The following PLCL2 variants were observed in gnomAD, a reference collection of about 807,000 sequenced individuals.
PLCL2 encodes phospholipase C like 2.
A neutral mutation model predicts 79.6 loss-of-function variants in PLCL2; 4 were observed. The observed-to-expected ratio is 0.05, with a 90% confidence interval of 0.02 to 0.11. The LOEUF (loss-of-function observed/expected upper bound fraction) is 0.11, where lower values mean the gene tolerates loss of function less well. Among genes scored for constraint, PLCL2 ranks in the 10% least tolerant of loss-of-function variants. The pLI is 1.00. For missense variants in PLCL2, 895 were observed against 1,291.0 expected, an observed-to-expected ratio of 0.69 and a Z score of 4.70; for synonymous variants, 484 against 457.7, an observed-to-expected ratio of 1.06 and a Z score of -0.73.
chr3:16,946,651 A>C (rs2063602935), intron 1 of PLCL2, among the ~76,000 whole-genome samples: 2 of 152,066 alleles, frequency 1.3e-5, no homozygotes, highest in African/African-American at 4.8e-5. Context: ...TTAATGGTTG[A>C]CTGTTTTCTT....
chr3:16,924,571 G>A (rs1222036790), intron 1 of PLCL2, among the ~76,000 whole-genome samples: 1 of 152,230 alleles, frequency 6.6e-6, no homozygotes, highest in Admixed American at 6.5e-5. Flanking sequence ...AGAGGTGAGA[G>A]TTTAGGGGTA....
chr3:17,022,897 T>A (rs1188713427), intron 3 of PLCL2, among the ~76,000 whole-genome samples: 1 of 152,198 alleles, frequency 6.6e-6, no homozygotes, highest in Non-Finnish European at 1.5e-5. Flanking sequence ...CTTCATCTAT[T>A]GCATTCATTA....
chr3:17,012,120 C>T lies in PLCL2; in HGVS notation c.2774C>T (p.Pro925Leu). The change falls in exon 2 of 6, where the codon CCC becomes CTC. Residue 925 changes from proline (P) to leucine (L), a missense_variant. Around this residue, in one of 6 missense-constraint regions of PLCL2, gnomAD observed 298 missense variants for 459.6 expected, o/e 0.65. Coordinates refer to ENST00000615277, the MANE Select transcript of PLCL2 (RefSeq NM_001144382.2). The part of the protein sequence containing the change: ...TVDEVFKNAQ[P>L]PIRDATDLRE... ...GATGAGGTATTCAAGAATGCCCAGCCCCCTATACGGGATGCCACAGATCTG... is the reference window on the plus strand; with the variant it reads ...GATGAGGTATTCAAGAATGCCCAGCTCCCTATACGGGATGCCACAGATCTG... 1 of 1,613,910 alleles carries T rather than the reference C, an allele frequency of 6.2e-7. No homozygotes were observed. Among genetic ancestry groups the T allele is most frequent in the Non-Finnish European group, 8.5e-7 (1 of 1,179,828 alleles).
intron 1 of PLCL2, among the ~76,000 whole-genome samples, chr3:16,982,456 A>T (rs1269490234): frequency 6.6e-6 from 1 of 152,222 alleles, no homozygotes; most frequent in East Asian, 1.9e-4. Context: ...AGTGCAGCAC[A>T]TTTATCAAAT....
At chr3:16,924,066 A>C (rs1182354761) in intron 1 of PLCL2, among the ~76,000 whole-genome samples, 3 of 152,130 alleles carry the variant, frequency 2.0e-5, no homozygotes, top group African/African-American at 7.2e-5. Flanking sequence ...AGTGTATTTA[A>C]CATGGTTGAT....
rs1696441226 is a variant in PLCL2, at chr3:16,894,963, T to C, written c.327+9597T>C. ...TTTTATTTCTATCAATCCGTGCTAA[T>C]AGCTTATATTAAATGCCAATGTAAT... On this transcript the variant is annotated intron_variant, in intron 1 of 5. Coordinates refer to ENST00000615277, the MANE Select transcript of PLCL2 (RefSeq NM_001144382.2). Among the ~76,000 whole-genome samples the C allele has an allele frequency of 2.0e-5, 3 of 152,170 alleles. No individual in the cohort carries two copies. In the South Asian group the frequency reaches 6.2e-4, roughly 32 times the overall value.
intron 1 of PLCL2, among the ~76,000 whole-genome samples, chr3:16,989,919 C>G (rs1461449052): frequency 2.0e-5 from 3 of 151,814 alleles, no homozygotes; most frequent in Non-Finnish European, 2.9e-5. Flanking sequence ...GGTGCTCAGA[C>G]AGGATAGGAA....
chr3:16,949,306 C>A (rs2063629501), intron 1 of PLCL2, among the ~76,000 whole-genome samples: 1 of 152,194 alleles, frequency 6.6e-6, no homozygotes, highest in Admixed American at 6.5e-5. Context: ...AGTTTCCCTA[C>A]ACACTTGCTA....
intron 1 of PLCL2, among the ~76,000 whole-genome samples, chr3:16,958,956 TG>T (rs1274046622): frequency 6.6e-6 from 1 of 152,186 alleles, no homozygotes; most frequent in Non-Finnish European, 1.5e-5. Context: ...CTTTGCACTC[TG>T]TTTTCCACTA....
intron 1 of PLCL2, among the ~76,000 whole-genome samples, chr3:16,938,744 G>T (rs150399510): frequency 6.6e-6 from 1 of 152,106 alleles, no homozygotes; most frequent in African/African-American, 2.4e-5. Flanking sequence ...TCTTTTCCCT[G>T]TACCTTTTCT....
At position 16,985,549 on chromosome 3, in the gene PLCL2, G is replaced by T. The variant is rs532196750; in HGVS notation, c.328-24125G>T. ...TATCATTTTTAGTTTATTTCCTTAG[G>T]GAGCTGAGAGGCCTGTATCTCTGTC... On this transcript the variant is annotated intron_variant, in intron 1 of 5. Transcript: ENST00000615277. Among the ~76,000 whole-genome samples, 3 of 152,166 alleles carry T rather than the reference G, an allele frequency of 2.0e-5. No homozygotes were observed. The East Asian group carries it at 5.8e-4, about 29-fold the overall frequency.
chr3:16,993,194 C>A (rs1282907229), intron 1 of PLCL2, among the ~76,000 whole-genome samples: 1 of 152,214 alleles, frequency 6.6e-6, no homozygotes, highest in Non-Finnish European at 1.5e-5. Context: ...GTAGGATGAT[C>A]ATATGTTTCA....
At chr3:16,944,025 T>A (rs1456682537) in intron 1 of PLCL2, among the ~76,000 whole-genome samples, 1 of 152,158 alleles carries the variant, frequency 6.6e-6, no homozygotes, top group Non-Finnish European at 1.5e-5. Context: ...GAATAGGCAA[T>A]GGTTAAGGGC....
At chr3:17,044,019 T>G (rs1257354207) in intron 4 of PLCL2, 1 of 152,266 alleles carries the variant, frequency 6.6e-6, no homozygotes, top group African/African-American at 2.4e-5. Context: ...ACAGGAGATA[T>G]GGAAGTAAAC....
At chr3:16,971,294 T>C (rs534377538) in intron 1 of PLCL2, among the ~76,000 whole-genome samples, 1 of 152,276 alleles carries the variant, frequency 6.6e-6, no homozygotes, top group East Asian at 1.9e-4. Flanking sequence ...TAGCCAGTTT[T>C]CCCCGCACCA....
intron 1 of PLCL2, among the ~76,000 whole-genome samples, chr3:16,969,602 T>G (rs1488614642): frequency 2.0e-5 from 3 of 152,102 alleles, no homozygotes; most frequent in Non-Finnish European, 4.4e-5. Context: ...CTTTGTCATT[T>G]CTGATTGTAT....
intron 5 of PLCL2, among the ~76,000 whole-genome samples, chr3:17,087,241 A>G (rs1005534265): frequency 6.6e-6 from 1 of 152,238 alleles, no homozygotes; most frequent in Non-Finnish European, 1.5e-5. Flanking sequence ...AATTGCCAAA[A>G]TTTGGAAGCA....
intron 1 of PLCL2, among the ~76,000 whole-genome samples, chr3:16,898,237 C>T (rs547237543): frequency 2.0e-5 from 3 of 152,138 alleles, no homozygotes; most frequent in East Asian, 3.9e-4. Flanking sequence ...GTTTTATTTA[C>T]GTATTCTAAA....
At chr3:16,890,208 T>G (rs748994914) in intron 1 of PLCL2, among the ~76,000 whole-genome samples, 3 of 152,230 alleles carry the variant, frequency 2.0e-5, no homozygotes, top group Non-Finnish European at 4.4e-5. Flanking sequence ...TTGCTCCCTT[T>G]TGCTTTCCTC....
Sources: allele counts gnomAD v4.1 joint callset (sites outside exome capture counted in the v4.1 genomes callset), GRCh38; gene constraint gnomAD v4.1.1; regional missense constraint gnomAD v4.1.1; transcripts MANE v1.5; gene names NCBI Gene and HGNC (gene_info 2026-07-23, HGNC 2026-07-21).